The following RFTN1 variants were observed in gnomAD, a reference collection of about 807,000 sequenced individuals.
RFTN1 encodes raftlin, lipid raft linker 1.
A neutral mutation model predicts 46.5 loss-of-function variants in RFTN1; 26 were observed. The ratio of observed to expected loss-of-function variants is 0.56; its 90% CI spans 0.41 to 0.78. The LOEUF (loss-of-function observed/expected upper bound fraction) is 0.78, where lower values mean the gene tolerates loss of function less well. RFTN1 is among the 30% of genes least tolerant of loss of function. RFTN1 has a pLI of 0.00. For synonymous variants in RFTN1, 261 were observed against 284.2 expected (o/e 0.92, Z 0.82); for missense variants, 693 against 718.7 (o/e 0.96, Z 0.41).
intron 1 of RFTN1, among the ~76,000 whole-genome samples, chr3:16,503,715 T>G (rs1257374195): frequency 6.6e-6 from 1 of 152,158 alleles, no homozygotes; most frequent in East Asian, 1.9e-4. Flanking sequence ...TCTTTCTACC[T>G]CAGACACCCC....
rs1216304232 is a variant in RFTN1 at position 16,345,012 on chromosome 3, G to A, written c.1146+12920C>T. On this transcript the variant is annotated intron_variant, in intron 7 of 9. Transcript: ENST00000334133. This position sits in a 1 kb window ranked among gnomAD's most constrained non-coding sequence, Gnocchi z 5.2. The stretch of plus-strand genomic sequence containing the variant: ...GCCACATGGAAAGCATAAGAAATGG[G>A]GGCAGCCCCCAGGAGCAAGGACCAG... 2.6e-5 allele frequency: 4 copies of A among 152,142 alleles called. No individual in the cohort carries two copies. The highest frequency in any genetic ancestry group is 4.8e-5 in the African/African-American group (2 of 41,430). 9.4% of individuals were successfully genotyped at this position (152,142 alleles called of 1,614,324 possible). A position where few individuals can be genotyped will look rare whatever the true frequency, so the allele number is the denominator to read the frequency against.
Position 16,378,046 on chromosome 3 carries a change from A to G in RFTN1, c.498T>C (p.His166=), listed in dbSNP as rs2073847336. The G allele has an allele frequency of 6.2e-7, 1 of 1,614,268 alleles. No homozygotes were observed. Among genetic ancestry groups the G allele is most frequent in the African/African-American group, 1.3e-5 (1 of 75,064 alleles). The change falls in exon 5 of 10, where the codon CAT becomes CAC. Residue 166 remains histidine (H), a synonymous_variant. Coordinates refer to ENST00000334133, the MANE Select transcript of RFTN1 (RefSeq NM_015150.2). ...LKFVGVIPQY[H]SSVNSAGSSA... ...TGCTGCCTGCCGAGTTCACAGAGGAATGGTACTGAGGTATAACACCAACGA... is the reference window on the plus strand; with the variant it reads ...TGCTGCCTGCCGAGTTCACAGAGGAGTGGTACTGAGGTATAACACCAACGA...
At chr3:16,461,393 T>C (rs2076006282) in intron 2 of RFTN1, among the ~76,000 whole-genome samples, 1 of 152,234 alleles carries the variant, frequency 6.6e-6, no homozygotes, top group Admixed American at 6.5e-5. Context: ...ATACTTTTTA[T>C]ATTTCCATTT....
At position 16,426,205 on chromosome 3, in the gene RFTN1, G is replaced by T. The variant is rs543891173; in HGVS notation, c.332+7646C>A. On this transcript the variant is annotated intron_variant, in intron 3 of 9. Coordinates refer to ENST00000334133, the MANE Select transcript of RFTN1 (RefSeq NM_015150.2). This position sits in a 1 kb window ranked among gnomAD's most constrained non-coding sequence, Gnocchi z 5.9. Reference sequence around the variant, plus strand: ...CCAACAATCAGCGCACTCTAGGGCTGATCCTCGGCCTCGCGTGTGAACATT... The same window carrying T: ...CCAACAATCAGCGCACTCTAGGGCTTATCCTCGGCCTCGCGTGTGAACATT... Among the ~76,000 whole-genome samples the T allele has an allele frequency of 1.3e-5, 2 of 152,260 alleles. No homozygotes were observed. Among genetic ancestry groups the T allele is most frequent in the African/African-American group, 4.8e-5 (2 of 41,550 alleles).
chr3:16,460,121 T>C lies in RFTN1; in HGVS notation c.146-26084A>G, dbSNP rs2075982207. Among the ~76,000 whole-genome samples the C allele has an allele frequency of 6.6e-6, 1 of 152,194 alleles. No individual in the cohort carries two copies. Among genetic ancestry groups the C allele is most frequent in the African/African-American group, 2.4e-5 (1 of 41,436 alleles). On this transcript the variant is annotated intron_variant, in intron 2 of 9. Coordinates refer to ENST00000334133, the MANE Select transcript of RFTN1 (RefSeq NM_015150.2). The surrounding 1 kb of genome is among the most constrained non-coding windows in gnomAD (Gnocchi z 4.8). ...TAAAATCAGATAATAATGTAGTATG[T>C]AAAATATGCATGGTGGAAGGAGTAA...
At position 16,483,342 on chromosome 3, in the gene RFTN1, T is replaced by C. The variant is rs1575355299; in HGVS notation, c.145+10383A>G. On this transcript the variant is annotated intron_variant, in intron 2 of 9. Transcript: ENST00000334133. This position sits in a 1 kb window ranked among gnomAD's most constrained non-coding sequence, Gnocchi z 4.8. ...CCTAGTTTACGATGTTGGGCTCCCC[T>C]GTAAAGCACCCCCCTCCCTCCCAGA... is the stretch of plus-strand genomic sequence containing the variant. Among the ~76,000 whole-genome samples, 1 of 152,150 alleles carries C rather than the reference T, an allele frequency of 6.6e-6. No individual in the cohort carries two copies. The highest frequency in any genetic ancestry group is 1.9e-4 in the East Asian group (1 of 5,194).
chr3:16,505,443 G>T (rs191061545), intron 1 of RFTN1, among the ~76,000 whole-genome samples: 5,551 of 152,282 alleles, frequency 0.036, 155 homozygotes, highest in Middle Eastern at 0.088. Flanking sequence ...TCAGATGTGT[G>T]TGTGTGTGTA....
chr3:16,493,814 A>G lies in RFTN1; in HGVS notation c.56T>C (p.Ile19Thr), dbSNP rs1447181563. ...CTGAGGCCTCTTCAAAGTTGAATAA[A>G]TATTCCCAGGCCGTTTTTCATCACG... The part of the protein sequence containing the change: ...EKRDEKRPGN[I>T]YSTLKRPQVE... Residue 19 changes from isoleucine (I) to threonine (T), a missense_variant, in exon 2 of 10, where the codon ATT becomes ACT. Physicochemically the swap from Ile to Thr is moderately conservative, Grantham distance 89 (BLOSUM62 -1). Coordinates refer to ENST00000334133, the MANE Select transcript of RFTN1 (RefSeq NM_015150.2). The G allele has an allele frequency of 6.2e-7, 1 of 1,614,048 alleles. No individual in the cohort carries two copies. The highest frequency in any genetic ancestry group is 1.3e-5 in the African/African-American group (1 of 74,916).
At position 16,380,656 on chromosome 3, in the gene RFTN1, C is replaced by T. The variant is rs1231955189; in HGVS notation, c.442-2554G>A. On this transcript the variant is annotated intron_variant, in intron 4 of 9. Transcript: ENST00000334133. The surrounding 1 kb of genome is among the most constrained non-coding windows in gnomAD (Gnocchi z 4.8). ...CAAATTCTCAGGCCCCACCACAGAC[C>T]TACTGAGTCAGAAACTCTGAGGGTG... Among the ~76,000 whole-genome samples the T allele has an allele frequency of 6.6e-6, 1 of 152,158 alleles. No individual in the cohort carries two copies. The highest frequency in any genetic ancestry group is 1.5e-5 in the Non-Finnish European group (1 of 68,028).
intron 2 of RFTN1, among the ~76,000 whole-genome samples, chr3:16,490,104 C>T (rs975375356): frequency 2.7e-4 from 41 of 152,076 alleles, no homozygotes; most frequent in African/African-American, 9.9e-4. Context: ...TTACTAGGAC[C>T]CGACTATGCA....
At position 16,489,046 on chromosome 3, in the gene RFTN1, G is replaced by C. The variant is rs1237345825; in HGVS notation, c.145+4679C>G. On this transcript the variant is annotated intron_variant, in intron 2 of 9. Coordinates refer to ENST00000334133, the MANE Select transcript of RFTN1 (RefSeq NM_015150.2). The surrounding 1 kb of genome is among the most constrained non-coding windows in gnomAD (Gnocchi z 4.0). The stretch of plus-strand genomic sequence containing the variant: ...TAAATCAATCTTAAATGAGTAAGTT[G>C]AGTGAATGAGAAGAGCTAGGTTTTG... Among the ~76,000 whole-genome samples the C allele has an allele frequency of 6.6e-6, 1 of 152,202 alleles. No individual in the cohort carries two copies. The highest frequency in any genetic ancestry group is 1.9e-4 in the East Asian group (1 of 5,200).
intron 8 of RFTN1, among the ~76,000 whole-genome samples, chr3:16,324,619 C>CCCCG (rs1553718087): frequency 2.1e-5 from 3 of 142,488 alleles, no homozygotes; most frequent in African/African-American, 7.9e-5. Flanking sequence ...CCTGACCCCC[C>CCCCG]CCCTTTTAAG....
At chr3:16,393,649 G>T (rs1364279541) in intron 4 of RFTN1, among the ~76,000 whole-genome samples, 1 of 138,644 alleles carries the variant, frequency 7.2e-6, no homozygotes, top group African/African-American at 2.8e-5. Context: ...TAAGCTGATG[G>T]ACTTTTTTTT....
At position 16,384,491 on chromosome 3, in the gene RFTN1, C is replaced by A. The variant is rs890607501; in HGVS notation, c.442-6389G>T. Reference sequence around the variant, plus strand: ...TCCTACGTGAGAGGCTGAAGTGTGGCAGGGAGGCTTTCAGCCATCACTGTT... The same window carrying A: ...TCCTACGTGAGAGGCTGAAGTGTGGAAGGGAGGCTTTCAGCCATCACTGTT... On this transcript the variant is annotated intron_variant, in intron 4 of 9. Transcript: ENST00000334133. This position sits in a 1 kb window ranked among gnomAD's most constrained non-coding sequence, Gnocchi z 4.7. Among the ~76,000 whole-genome samples the A allele has an allele frequency of 1.3e-5, 2 of 152,206 alleles. No individual in the cohort carries two copies. Among genetic ancestry groups the A allele is most frequent in the Non-Finnish European group, 2.9e-5 (2 of 68,036 alleles).
intron 7 of RFTN1, among the ~76,000 whole-genome samples, chr3:16,357,094 G>A (rs1194970558): frequency 5.1e-4 from 73 of 142,818 alleles, no homozygotes; most frequent in South Asian, 4.4e-4. Flanking sequence ...CAGCCTGGGC[G>A]ACAGAGCAAG....
rs1403509870 is a variant in RFTN1 at position 16,378,224 on chromosome 3, C to T, written c.442-122G>A. Reference sequence around the variant, plus strand: ...CTGTTTCAGGTGCAGGAGAAGAATTCCAAGCTGACAGGAACTCCATGTCCT... The same window carrying T: ...CTGTTTCAGGTGCAGGAGAAGAATTTCAAGCTGACAGGAACTCCATGTCCT... On this transcript the variant is annotated intron_variant, in intron 4 of 9. Coordinates refer to ENST00000334133, the MANE Select transcript of RFTN1 (RefSeq NM_015150.2). 6.4e-6 allele frequency: 5 copies of T among 780,746 alleles called. No individual in the cohort carries two copies. The East Asian group carries it at 1.3e-4, about 20-fold the overall frequency. The allele number at this position is 780,746 out of a possible 1,614,324, so 48.4% of individuals were successfully genotyped here.
chr3:16,398,271 A>G (rs867334308), intron 4 of RFTN1, among the ~76,000 whole-genome samples: 27 of 149,578 alleles, frequency 1.8e-4, no homozygotes, highest in African/African-American at 6.5e-4. Flanking sequence ...AAAAAAAAAA[A>G]AAGAAGCATC....
At chr3:16,339,192 A>T (rs1257412531) in intron 7 of RFTN1, 1 of 152,224 alleles carries the variant, frequency 6.6e-6, no homozygotes, top group African/African-American at 2.4e-5. Flanking sequence ...CCACATTCTC[A>T]AGCCATGCTG....
chr3:16,445,483 T>TCTCTCTCACACACACACACACA (rs1352210263), intron 2 of RFTN1, among the ~76,000 whole-genome samples: 1 of 126,778 alleles, frequency 7.9e-6, no homozygotes, highest in African/African-American at 3.1e-5. Flanking sequence ...TCTCTCTCTC[T>TCTCTCTCACACACACACACACA]CACACACACA....
Sources: gnomAD v4.1 joint callset for allele counts (sites outside exome capture counted in the v4.1 genomes callset) on GRCh38, gnomAD v4.1.1 for gene constraint, Gnocchi (gnomAD v3.1) non-coding constraint, MANE v1.5 for transcripts, NCBI Gene and HGNC (gene_info 2026-07-23, HGNC 2026-07-21) for gene names.